SMYD1: variants seen among roughly 807,000 people sequenced by gnomAD.
SMYD1 encodes SET and MYND domain containing 1, also known as histone-lysine N-methyltransferase SMYD1.
SMYD1 carries 49 observed loss-of-function variants against 54.0 expected under a neutral mutation model. The ratio of observed to expected loss-of-function variants is 0.91; its 90% confidence interval spans 0.72 to 1.15. SMYD1 has a LOEUF of 1.15. SMYD1 is among the 50% of genes most tolerant of loss of function. SMYD1 has a pLI of 0.00. For synonymous variants in SMYD1, 269 were observed against 234.2 expected (o/e 1.15, Z -1.36); for missense variants, 653 against 639.6 (o/e 1.02, Z -0.23).
chr2:88,091,653 C>T (rs923195058), intron 4 of SMYD1, among the ~76,000 whole-genome samples: 14 of 152,014 alleles, frequency 9.2e-5, no homozygotes, highest in Non-Finnish European at 1.8e-4. Context: ...TTGAGATCAG[C>T]GTGGACAACA....
chr2:88,078,569 A>G (rs1674120785), intron 1 of SMYD1, among the ~76,000 whole-genome samples: 1 of 150,098 alleles, frequency 6.7e-6, no homozygotes, highest in South Asian at 2.1e-4. Context: ...ATGAGGGGAG[A>G]TGGGAACCAG....
In SMYD1 at chr2:88,106,407, G is replaced by T. The variant is rs750561933; in HGVS notation, c.1064G>T (p.Ser355Ile). 1.2e-6 allele frequency: 2 copies of T among 1,614,218 alleles called. No individual in the cohort carries two copies. Among genetic ancestry groups the T allele is most frequent in the Non-Finnish European group, 8.5e-7 (1 of 1,180,044 alleles). Residue 355 changes from serine to isoleucine, a missense_variant, in exon 8 of 10, where the codon AGC becomes ATC. Physicochemically the swap from Ser to Ile is moderately radical, Grantham distance 142. Coordinates refer to ENST00000419482, the MANE Select transcript of SMYD1 (RefSeq NM_198274.4). Reference sequence around the variant, plus strand: ...AACATCTACATGCTGCGGATGCTGAGCATTGTTTCGGAGGTCCTTTCCTAC... The same window carrying T: ...AACATCTACATGCTGCGGATGCTGATCATTGTTTCGGAGGTCCTTTCCTAC... ...DTNIYMLRML[S>I]IVSEVLSYLQ... is the part of the protein sequence containing the mutation.
chr2:88,076,315 C>T lies in SMYD1; in HGVS notation c.138-8001C>T, dbSNP rs9679066. ...CCGCAAGCTCCGCCTCCTGGGTTCA[C>T]GCGATTCTCCTGCCTCAGCTTCCCG... On this transcript the variant is annotated intron_variant, in intron 1 of 9. Coordinates refer to ENST00000419482, the MANE Select transcript of SMYD1 (RefSeq NM_198274.4). 6.6e-3 allele frequency among the ~76,000 whole-genome samples: 1,007 copies of T among 152,118 alleles called. 18 individuals carry two copies. Among genetic ancestry groups the T allele is most frequent in the African/African-American group, 0.023 (967 of 41,486 alleles).
intron 2 of SMYD1, 99 bp from the exon 3 acceptor site, chr2:88,087,763 G>C (rs918192900): frequency 1.1e-4 from 113 of 1,060,400 alleles, no homozygotes; most frequent in Non-Finnish European, 1.4e-4. Flanking sequence ...ACGTATCTTG[G>C]GCCCAACATT....
At chr2:88,079,648 C>A (rs934397566) in intron 1 of SMYD1, among the ~76,000 whole-genome samples, 1 of 152,066 alleles carries the variant, frequency 6.6e-6, no homozygotes, top group African/African-American at 2.4e-5. Flanking sequence ...GGTGAAAACC[C>A]GTCTGTACTA....
At position 88,084,199 on chromosome 2, in the gene SMYD1, G is replaced by A. The variant is rs948772059; in HGVS notation, c.138-117G>A. ...TCATTTTGGAAGGTGGAAATCTGAA[G>A]TTTAGATAAATAAGGACCAGCCAGC... is the stretch of plus-strand genomic sequence containing the variant. On this transcript the variant is annotated intron_variant, in intron 1 of 9. Transcript: ENST00000419482. 8.6e-6 allele frequency: 7 copies of A among 812,006 alleles called. No individual in the cohort carries two copies. In the African/African-American group the frequency reaches 1.0e-4, roughly 12 times the overall value. The allele number at this position is 812,006 out of a possible 1,614,324, so 50.3% of individuals were successfully genotyped here.
Position 88,093,508 on chromosome 2 carries a change from G to A in SMYD1, c.660-9G>A, listed in dbSNP as rs745343557. ...TGATTTCCATATGGGTGTCTGTTTT[G>A]TCTTTCAGTCATGAGGCAGTGAAAT... On this transcript the variant is annotated splice_polypyrimidine_tract_variant and intron_variant, in intron 4 of 9. Coordinates refer to ENST00000419482, the MANE Select transcript of SMYD1 (RefSeq NM_198274.4). 1.6e-5 allele frequency: 26 copies of A among 1,613,966 alleles called. No homozygotes were observed. The highest frequency in any genetic ancestry group is 2.0e-5 in the Non-Finnish European group (24 of 1,180,014).
intron 2 of SMYD1, among the ~76,000 whole-genome samples, chr2:88,085,700 C>G (rs1230483278): frequency 1.3e-5 from 2 of 152,138 alleles, no homozygotes; most frequent in Non-Finnish European, 2.9e-5. Flanking sequence ...GCTTCATGAC[C>G]CTTTCCTCGG....
At position 88,095,600 on chromosome 2, in the gene SMYD1, C is replaced by T. The variant is rs1028664430; in HGVS notation, c.699-995C>T. On this transcript the variant is annotated intron_variant, in intron 5 of 9. Transcript: ENST00000419482. ...GTGACCACGGATCTCTGTGCAGATG[C>T]TCTCCCCAGCCCTCTGCATCCTGCC... Among the ~76,000 whole-genome samples, 8 of 152,286 alleles carry T rather than the reference C, an allele frequency of 5.3e-5. No homozygotes were observed. In the East Asian group the frequency reaches 9.7e-4, roughly 18 times the overall value.
At chr2:88,086,575 A>AGGCCC (rs1217851113) in intron 2 of SMYD1, among the ~76,000 whole-genome samples, 2 of 152,152 alleles carry the variant, frequency 1.3e-5, no homozygotes, top group African/African-American at 2.4e-5. Flanking sequence ...CGGCCAGGCC[A>AGGCCC]GGCCCCTCCC....
At chr2:88,089,167 T>C (rs1405779714) in intron 3 of SMYD1, among the ~76,000 whole-genome samples, 2 of 152,208 alleles carry the variant, frequency 1.3e-5, no homozygotes, top group South Asian at 4.1e-4. Flanking sequence ...GGCATTCTGC[T>C]GGCAGAACTC....
At chr2:88,101,497 T>A (rs1044011819) in intron 6 of SMYD1, among the ~76,000 whole-genome samples, 1 of 152,246 alleles carries the variant, frequency 6.6e-6, no homozygotes, top group African/African-American at 2.4e-5. Flanking sequence ...TATAGGCACA[T>A]ACACACACAT....
chr2:88,087,762 G>T, intron 2 of SMYD1, 100 bp from the exon 3 acceptor site: 1 of 1,046,734 alleles, frequency 9.6e-7, no homozygotes, highest in Non-Finnish European at 1.4e-6. Context: ...AACGTATCTT[G>T]GGCCCAACAT....
At chr2:88,078,624 C>T (rs1219077014) in intron 1 of SMYD1, among the ~76,000 whole-genome samples, 1 of 152,090 alleles carries the variant, frequency 6.6e-6, no homozygotes, top group African/African-American at 2.4e-5. Flanking sequence ...TGAAGGAAAA[C>T]AAAAAAATTC....
chr2:88,109,687 A>C (rs140561755), intron 9 of SMYD1, among the ~76,000 whole-genome samples: 57 of 152,282 alleles, frequency 3.7e-4, no homozygotes, highest in African/African-American at 1.3e-3. Context: ...TCCTCTTACT[A>C]TTCAGATCCC....
chr2:88,068,170 G>A (rs1673872665), intron 1 of SMYD1, among the ~76,000 whole-genome samples, 169 bp downstream of exon 1: 1 of 152,166 alleles, frequency 6.6e-6, no homozygotes, highest in Non-Finnish European at 1.5e-5. Flanking sequence ...TTTTCTGCAA[G>A]GGATCATTGC....
chr2:88,106,580 C>A, intron 8 of SMYD1, 92 bp downstream of exon 8: 1 of 1,351,246 alleles, frequency 7.4e-7, no homozygotes. Context: ...GTGCCTCTCC[C>A]TCCTATACCC....
At chr2:88,106,197 C>G in intron 7 of SMYD1, 128 bp from the exon 8 acceptor site, 5 of 1,271,158 alleles carry the variant, frequency 3.9e-6, no homozygotes, top group Non-Finnish European at 5.5e-6. Flanking sequence ...TGTGCTTTCC[C>G]ACCTCTGTCA....
At chr2:88,078,005 A>G (rs1674108351) in intron 1 of SMYD1, among the ~76,000 whole-genome samples, 1 of 152,160 alleles carries the variant, frequency 6.6e-6, no homozygotes, top group African/African-American at 2.4e-5. Context: ...GATTACAGGC[A>G]TGAGGCACCA....
Sources: gnomAD v4.1 joint callset for allele counts (sites outside exome capture counted in the v4.1 genomes callset) on GRCh38, gnomAD v4.1.1 for gene constraint, MANE v1.5 for transcripts, NCBI Gene and HGNC (gene_info 2026-07-23, HGNC 2026-07-21) for gene names.